DRC11: variants seen among roughly 807,000 people sequenced by gnomAD.
DRC11 encodes the protein IQ and AAA domain-containing protein 1.
the DRC11 span, among the ~76,000 whole-genome samples, chr2:236,493,201 T>G: frequency 6.6e-6 from 1 of 152,174 alleles, no homozygotes; most frequent in African/African-American, 2.4e-5. Context: ...TTGTGAGATT[T>G]ATTCACTATC....
chr2:236,421,272 C>A, the DRC11 span, among the ~76,000 whole-genome samples: 19 of 152,144 alleles, frequency 1.2e-4, no homozygotes, highest in African/African-American at 4.6e-4. Flanking sequence ...AATCCACGAG[C>A]TGGTTTTTTG....
At chr2:236,369,054 C>G in the DRC11 span, 1 of 152,214 alleles carries the variant, frequency 6.6e-6, no homozygotes, top group African/African-American at 2.4e-5. This position sits in a 1 kb window ranked among gnomAD's most constrained non-coding sequence, Gnocchi z 4.5. Context: ...TCATATGATT[C>G]TCTCTTGATC....
chr2:236,500,351 C>T, the DRC11 span, among the ~76,000 whole-genome samples: 1 of 152,160 alleles, frequency 6.6e-6, no homozygotes, highest in Admixed American at 6.5e-5. The surrounding 1 kb of genome is among the most constrained non-coding windows in gnomAD (Gnocchi z 6.3). Context: ...AACCACTTGA[C>T]TTCATCGCTT....
chr2:236,342,596 A>G, the DRC11 span, among the ~76,000 whole-genome samples: 2 of 152,180 alleles, frequency 1.3e-5, no homozygotes, highest in Non-Finnish European at 2.9e-5. This position sits in a 1 kb window ranked among gnomAD's most constrained non-coding sequence, Gnocchi z 5.8. Context: ...CAGGCCCCGC[A>G]ATGCCATCAC....
At chr2:236,422,278 C>T in the DRC11 span, among the ~76,000 whole-genome samples, 1 of 152,242 alleles carries the variant, frequency 6.6e-6, no homozygotes, top group African/African-American at 2.4e-5. Flanking sequence ...TCCCTGTTTG[C>T]AGATGACATG....
At chr2:236,377,421 G>A in the DRC11 span, among the ~76,000 whole-genome samples, 2 of 152,090 alleles carry the variant, frequency 1.3e-5, no homozygotes, top group African/African-American at 4.8e-5. The surrounding 1 kb of genome is among the most constrained non-coding windows in gnomAD (Gnocchi z 4.9). Flanking sequence ...TAATAAGAAC[G>A]ATATCTTTGG....
At chr2:236,333,918 C>A in the DRC11 span, among the ~76,000 whole-genome samples, 210 of 152,292 alleles carry the variant, frequency 1.4e-3, 1 homozygote, top group African/African-American at 4.9e-3. The surrounding 1 kb of genome is among the most constrained non-coding windows in gnomAD (Gnocchi z 6.0). Context: ...TGGAGACCTG[C>A]AGTGAGACCA....
At chr2:236,364,049 T>G in the DRC11 span, 1 of 1,382,432 alleles carries the variant, frequency 7.2e-7, no homozygotes, top group Non-Finnish European at 1.0e-6. Flanking sequence ...CTAGGATAAC[T>G]CAAGGTCAAA....
At chr2:236,489,836 G>A in the DRC11 span, among the ~76,000 whole-genome samples, 9 of 152,172 alleles carry the variant, frequency 5.9e-5, no homozygotes, top group Non-Finnish European at 1.3e-4. Flanking sequence ...GGGGCGAGAG[G>A]ATCACTTGAG....
At chr2:236,344,721 T>G in the DRC11 span, 980 of 877,044 alleles carry the variant, frequency 1.1e-3, no homozygotes, top group Non-Finnish European at 1.5e-3. Context: ...GTAAATGCGC[T>G]TCCTTCTGGG....
At chr2:236,507,216 G>GAAGCCCACTCCATGGCTGTGGGA in the DRC11 span, 1 of 1,610,726 alleles carries the variant, frequency 6.2e-7, no homozygotes, top group South Asian at 1.1e-5. Context: ...CTGGCTTGGG[G>GAAGCCCACTCCATGGCTGTGGGA]AAGCCCACTC....
the DRC11 span, chr2:236,368,530 T>C: frequency 4.1e-6 from 2 of 489,026 alleles, no homozygotes; most frequent in Non-Finnish European, 7.3e-6. Context: ...AAACTGGGAA[T>C]GATGTTGACT....
the DRC11 span, among the ~76,000 whole-genome samples, chr2:236,460,377 A>AGCTGCTCCTGTCTCCCATGACCC: frequency 6.6e-6 from 1 of 152,162 alleles, no homozygotes; most frequent in Non-Finnish European, 1.5e-5. The surrounding 1 kb of genome is among the most constrained non-coding windows in gnomAD (Gnocchi z 4.0). Flanking sequence ...TGATATCCAG[A>AGCTGCTCCTGTCTCCCATGACCC]GCTGCTCCTG....
chr2:236,318,857 C>T, the DRC11 span, among the ~76,000 whole-genome samples: 1 of 152,140 alleles, frequency 6.6e-6, no homozygotes, highest in African/African-American at 2.4e-5. This position sits in a 1 kb window ranked among gnomAD's most constrained non-coding sequence, Gnocchi z 7.0. Flanking sequence ...CTCTTGACAG[C>T]ACCCGGCTCA....
chr2:236,326,351 T>G, the DRC11 span, among the ~76,000 whole-genome samples: 3 of 152,262 alleles, frequency 2.0e-5, no homozygotes, highest in African/African-American at 7.2e-5. Context: ...GTCAGTGTCT[T>G]CAACCCACCT....
At chr2:236,336,496 C>T in the DRC11 span, among the ~76,000 whole-genome samples, 2 of 151,954 alleles carry the variant, frequency 1.3e-5, no homozygotes, top group African/African-American at 2.4e-5. The surrounding 1 kb of genome is among the most constrained non-coding windows in gnomAD (Gnocchi z 7.3). Flanking sequence ...ACCACTGGCA[C>T]CAGCACGTCT....
chr2:236,504,109 C>T, the DRC11 span, among the ~76,000 whole-genome samples: 1 of 152,014 alleles, frequency 6.6e-6, no homozygotes. The surrounding 1 kb of genome is among the most constrained non-coding windows in gnomAD (Gnocchi z 5.0). Flanking sequence ...CCCCATTCCC[C>T]ACTCCTCCCT....
At chr2:236,442,580 C>T in the DRC11 span, among the ~76,000 whole-genome samples, 13 of 152,140 alleles carry the variant, frequency 8.5e-5, no homozygotes, top group African/African-American at 2.4e-4. Flanking sequence ...GGATTTGTCT[C>T]GTGCCTGGAA....
the DRC11 span, among the ~76,000 whole-genome samples, chr2:236,414,907 C>T: frequency 1.8e-4 from 28 of 152,276 alleles, no homozygotes; most frequent in South Asian, 5.6e-3. Context: ...CTCTTTCTCA[C>T]TCCACTAGCC....
Sources: allele counts gnomAD v4.1 joint callset (sites outside exome capture counted in the v4.1 genomes callset), GRCh38; gene constraint gnomAD v4.1.1; non-coding constraint Gnocchi (gnomAD v3.1); transcripts MANE v1.5; gene names NCBI Gene and HGNC (gene_info 2026-07-23, HGNC 2026-07-21).